MLLT1: variants seen among roughly 807,000 people sequenced by gnomAD.
MLLT1 encodes the protein protein ENL.
MLLT1 carries 11 observed loss-of-function variants against 55.1 expected under a neutral mutation model. The observed-to-expected ratio is 0.20, with a 90% confidence interval of 0.13 to 0.33. The LOEUF (loss-of-function observed/expected upper bound fraction) is 0.33, where lower values mean the gene tolerates loss of function less well. MLLT1 is among the 10% of genes least tolerant of loss of function. The probability of loss-of-function intolerance (pLI) is 1.00; values close to 1 mark genes in which losing one functional copy is unlikely to be tolerated. For missense variants in MLLT1, 536 were observed against 760.6 expected, an observed-to-expected ratio of 0.70 and a Z score of 3.47; for synonymous variants, 323 against 320.1, an observed-to-expected ratio of 1.01 and a Z score of -0.10.
rs141339493 is a variant in MLLT1 at position 6,223,747 on chromosome 19, C to G, written c.547-1063G>C. On this transcript the variant is annotated intron_variant, in intron 5 of 11. Transcript: ENST00000252674. ...CCATCCGATAGGCACACTGCCAGCACTCCCCACGGTGGGAGCCACGCCTTC... is the reference window on the plus strand; with the variant it reads ...CCATCCGATAGGCACACTGCCAGCAGTCCCCACGGTGGGAGCCACGCCTTC... 1.6e-3 allele frequency among the ~76,000 whole-genome samples: 243 copies of G among 152,286 alleles called. 1 individual carries two copies. The highest frequency in any genetic ancestry group is 5.7e-3 in the African/African-American group (238 of 41,548).
chr19:6,211,861 C>G lies in MLLT1; in HGVS notation c.*1181G>C. ...CTCAGGCATACCAGGAGTGGGGCTG[C>G]GGGCGCGGCACCAGCATGAATTGCG... On this transcript the variant is annotated 3_prime_UTR_variant, in exon 12 of 12. Coordinates refer to ENST00000252674, the MANE Select transcript of MLLT1 (RefSeq NM_005934.4). This position sits in a 1 kb window ranked among gnomAD's most constrained non-coding sequence, Gnocchi z 4.6. 2.8e-6 allele frequency: 3 copies of G among 1,063,930 alleles called. No homozygotes were observed. Among genetic ancestry groups the G allele is most frequent in the Non-Finnish European group, 3.4e-6 (3 of 878,304 alleles). 65.9% of individuals were successfully genotyped at this position (1,063,930 alleles called of 1,614,324 possible).
At chr19:6,217,869 G>T in intron 7 of MLLT1, 85 bp downstream of exon 7, 1 of 1,510,890 alleles carries the variant, frequency 6.6e-7, no homozygotes, top group Non-Finnish European at 8.8e-7. Flanking sequence ...TGTGCAGGCA[G>T]TGGACGCTGA....
chr19:6,211,739 C>T lies in MLLT1; in HGVS notation c.*1303G>A. The T allele has an allele frequency of 9.4e-7, 1 of 1,064,656 alleles. No homozygotes were observed. The highest frequency in any genetic ancestry group is 1.1e-6 in the Non-Finnish European group (1 of 878,842). The allele number at this position is 1,064,656 out of a possible 1,614,324, so 66.0% of individuals were successfully genotyped here. On this transcript the variant is annotated 3_prime_UTR_variant, in exon 12 of 12. Transcript: ENST00000252674. The surrounding 1 kb of genome is among the most constrained non-coding windows in gnomAD (Gnocchi z 4.6). The stretch of plus-strand genomic sequence containing the variant: ...GAGGCTAACCAGGCAGGCCTCCAGC[C>T]CCTGGGACCCCCAGCCACGATGGGC...
rs1281919921 is a variant in MLLT1 at position 6,227,175 on chromosome 19, G to C, written c.421-73C>G. 10 of 1,487,260 alleles carry C rather than the reference G, an allele frequency of 6.7e-6. No homozygotes were observed. The highest frequency in any genetic ancestry group is 1.3e-5 in the South Asian group (1 of 78,460). 92.1% of individuals were successfully genotyped at this position (1,487,260 alleles called of 1,614,324 possible). A position where few individuals can be genotyped will look rare whatever the true frequency, so the allele number is the denominator to read the frequency against. ...GGCCCACACGGGCCGGGCTGAAGGT[G>C]GTGGGGCTTCCCTCTGCAGGAGGGG... On this transcript the variant is annotated intron_variant, in intron 4 of 11. Coordinates refer to ENST00000252674, the MANE Select transcript of MLLT1 (RefSeq NM_005934.4). This position sits in a 1 kb window ranked among gnomAD's most constrained non-coding sequence, Gnocchi z 5.1.
At chr19:6,242,683 G>C (rs560126809) in intron 3 of MLLT1, among the ~76,000 whole-genome samples, 1 of 152,190 alleles carries the variant, frequency 6.6e-6, no homozygotes, top group Non-Finnish European at 1.5e-5. Flanking sequence ...GAAGGAAGAG[G>C]AATCTGGCGT....
At position 6,227,134 on chromosome 19, in the gene MLLT1, T is replaced by TGGGCAGG. The variant is rs770347001; in HGVS notation, c.421-39_421-33dup. 11 of 1,576,138 alleles carry TGGGCAGG rather than the reference T, an allele frequency of 7.0e-6. No homozygotes were observed. Among genetic ancestry groups the TGGGCAGG allele is most frequent in the African/African-American group, 5.5e-5 (4 of 72,472 alleles). On this transcript the variant is annotated intron_variant, in intron 4 of 11. Transcript: ENST00000252674. The surrounding 1 kb of genome is among the most constrained non-coding windows in gnomAD (Gnocchi z 5.1). ...ACAGAGAAGAGACAGTCATTATCGATGGGCAGGGGGCAGGGGGCCCACACG... is the reference window on the plus strand; with the variant it reads ...ACAGAGAAGAGACAGTCATTATCGATGGGCAGGGGGCAGGGGGCAGGGGGCCCACACG...
Position 6,211,514 on chromosome 19 carries a change from G to C in MLLT1, c.*1528C>G. On this transcript the variant is annotated 3_prime_UTR_variant, in exon 12 of 12. Transcript: ENST00000252674. The surrounding 1 kb of genome is among the most constrained non-coding windows in gnomAD (Gnocchi z 4.6). Reference sequence around the variant, plus strand: ...GACAAGATGAGGGACCTCAGGGAGGGACAGATGGAGCCCCCCAAGTCTGAA... The same window carrying C: ...GACAAGATGAGGGACCTCAGGGAGGCACAGATGGAGCCCCCCAAGTCTGAA... The C allele has an allele frequency of 2.7e-6, 2 of 746,328 alleles. No individual in the cohort carries two copies. Among genetic ancestry groups the C allele is most frequent in the South Asian group, 1.3e-4 (2 of 15,564 alleles). The allele number at this position is 746,328 out of a possible 1,614,324, so 46.2% of individuals were successfully genotyped here. A position where few individuals can be genotyped will look rare whatever the true frequency, so the allele number is the denominator to read the frequency against.
rs1177938917 is a variant in MLLT1, at chr19:6,256,566, A to G, written c.276+5662T>C. Among the ~76,000 whole-genome samples, 5 of 152,150 alleles carry G rather than the reference A, an allele frequency of 3.3e-5. No individual in the cohort carries two copies. The highest frequency in any genetic ancestry group is 7.3e-5 in the Non-Finnish European group (5 of 68,032). ...TCAGGAGATCGAGACCATCCTGGCT[A>G]ACACGGTGAAACCTGGTCTCTACTA... On this transcript the variant is annotated intron_variant, in intron 3 of 11. Transcript: ENST00000252674. This position sits in a 1 kb window ranked among gnomAD's most constrained non-coding sequence, Gnocchi z 4.1.
intron 3 of MLLT1, among the ~76,000 whole-genome samples, chr19:6,251,436 G>A (rs1045385692): frequency 3.9e-5 from 6 of 152,088 alleles, no homozygotes; most frequent in African/African-American, 1.4e-4. Context: ...CATGCTAGAC[G>A]CCAGACGAGA....
intron 3 of MLLT1, among the ~76,000 whole-genome samples, chr19:6,244,493 C>T (rs1051992648): frequency 5.3e-5 from 8 of 152,118 alleles, no homozygotes; most frequent in Middle Eastern, 3.4e-3. Context: ...CAGCGGACAG[C>T]GAAAACAGAG....
At chr19:6,266,275 C>CCAAAA (rs1555710893) in intron 2 of MLLT1, among the ~76,000 whole-genome samples, 1 of 93,490 alleles carries the variant, frequency 1.1e-5, no homozygotes, top group East Asian at 2.5e-4. Context: ...GATTCTGTCT[C>CCAAAA]CAAAAAAAAA....
Position 6,262,494 on chromosome 19 carries a change from G to C in MLLT1, c.194-184C>G, listed in dbSNP as rs1169066910. Reference sequence around the variant, plus strand: ...TGACTTCCACGGCAAAGTTATCTTAGGAATAAAACAGCAGGGAAGAAGAGG... The same window carrying C: ...TGACTTCCACGGCAAAGTTATCTTACGAATAAAACAGCAGGGAAGAAGAGG... On this transcript the variant is annotated intron_variant, in intron 2 of 11. Coordinates refer to ENST00000252674, the MANE Select transcript of MLLT1 (RefSeq NM_005934.4). The surrounding 1 kb of genome is among the most constrained non-coding windows in gnomAD (Gnocchi z 4.4). 6.6e-6 allele frequency among the ~76,000 whole-genome samples: 1 copy of C among 152,014 alleles called. No homozygotes were observed. Among genetic ancestry groups the C allele is most frequent in the Non-Finnish European group, 1.5e-5 (1 of 68,008 alleles).
intron 2 of MLLT1, among the ~76,000 whole-genome samples, chr19:6,266,679 ACTC>A (rs1380355880): frequency 6.6e-6 from 1 of 150,962 alleles, no homozygotes; most frequent in African/African-American, 2.4e-5. Flanking sequence ...CTGGTCTTGA[ACTC>A]CTGATCTCAG....
At chr19:6,267,213 T>G (rs897975161) in intron 2 of MLLT1, among the ~76,000 whole-genome samples, 3 of 152,142 alleles carry the variant, frequency 2.0e-5, no homozygotes, top group Non-Finnish European at 4.4e-5. Flanking sequence ...GCGATTCTCC[T>G]GCCTCAGCTT....
At chr19:6,278,018 A>C (rs975880272) in intron 1 of MLLT1, among the ~76,000 whole-genome samples, 1 of 152,148 alleles carries the variant, frequency 6.6e-6, no homozygotes, top group Non-Finnish European at 1.5e-5. Flanking sequence ...GAAGCATGAG[A>C]CACCTGTCTC....
chr19:6,257,107 T>C (rs11881846), intron 3 of MLLT1, among the ~76,000 whole-genome samples: 50 of 152,370 alleles, frequency 3.3e-4, no homozygotes, highest in African/African-American at 1.2e-3. Flanking sequence ...CAAATCTTCA[T>C]GACCTCATTT....
chr19:6,253,239 T>C (rs1332354272), intron 3 of MLLT1, among the ~76,000 whole-genome samples: 1 of 113,912 alleles, frequency 8.8e-6, no homozygotes, highest in Non-Finnish European at 1.6e-5. Flanking sequence ...CACTCCAGCC[T>C]GGGCGACAGA....
rs2091008798 is a variant in MLLT1 at position 6,231,399 on chromosome 19, CA to C, written c.277-687del. ...GGGGCTGTGATGAATACAGAAAGGC[CA>C]GGAGGGCTCAGGGCAGGCAGGCTTG... On this transcript the variant is annotated intron_variant, in intron 3 of 11. Coordinates refer to ENST00000252674, the MANE Select transcript of MLLT1 (RefSeq NM_005934.4). This position sits in a 1 kb window ranked among gnomAD's most constrained non-coding sequence, Gnocchi z 5.1. 6.6e-6 allele frequency among the ~76,000 whole-genome samples: 1 copy of C among 152,134 alleles called. No individual in the cohort carries two copies. Among genetic ancestry groups the C allele is most frequent in the African/African-American group, 2.4e-5 (1 of 41,426 alleles).
At chr19:6,217,266 C>A (rs1366027382) in intron 7 of MLLT1, among the ~76,000 whole-genome samples, 1 of 152,172 alleles carries the variant, frequency 6.6e-6, no homozygotes. Flanking sequence ...CTCCCCCAGC[C>A]CCCCTGCAAA....
Sources: allele counts gnomAD v4.1 joint callset (sites outside exome capture counted in the v4.1 genomes callset), GRCh38; gene constraint gnomAD v4.1.1; non-coding constraint Gnocchi (gnomAD v3.1); transcripts MANE v1.5; gene names NCBI Gene and HGNC (gene_info 2026-07-23, HGNC 2026-07-21).